B3GALT1: variants seen among roughly 807,000 people sequenced by gnomAD.
The protein encoded by B3GALT1 is UDP-Gal:betaGlcNAc beta 1,3-galactosyltransferase, polypeptide 1.
B3GALT1 carries 10 observed loss-of-function variants against 23.2 expected under a neutral mutation model. The ratio of observed to expected loss-of-function variants is 0.43; its 90% confidence interval spans 0.27 to 0.73. B3GALT1 has a LOEUF of 0.73. Among genes scored for constraint, B3GALT1 ranks in the 30% least tolerant of loss-of-function variants. The probability of loss-of-function intolerance (pLI) is 0.21; values close to 1 mark genes in which losing one functional copy is unlikely to be tolerated. For missense variants in B3GALT1, 299 were observed against 405.4 expected, an observed-to-expected ratio of 0.74 and a Z score of 2.25; for synonymous variants, 156 against 141.5, an observed-to-expected ratio of 1.10 and a Z score of -0.73.
At chr2:167,616,585 C>T (rs1685166231) in intron 2 of B3GALT1, among the ~76,000 whole-genome samples, 2 of 151,836 alleles carry the variant, frequency 1.3e-5, no homozygotes, top group African/African-American at 4.8e-5. Context: ...GTCTGTAATC[C>T]CATCCACTCA....
intron 4 of B3GALT1, among the ~76,000 whole-genome samples, chr2:167,835,869 C>T (rs76046059): frequency 8.5e-4 from 129 of 152,306 alleles, no homozygotes; most frequent in Admixed American, 1.4e-3. Context: ...TCACGGTTCA[C>T]GAAAAACCAC....
chr2:167,635,856 T>C (rs1319906651), intron 2 of B3GALT1, among the ~76,000 whole-genome samples: 1 of 152,098 alleles, frequency 6.6e-6, no homozygotes, highest in Non-Finnish European at 1.5e-5. Context: ...TTAAATTTCA[T>C]ATGGAACCAA....
chr2:167,409,408 T>G (rs1173189112), intron 1 of B3GALT1, among the ~76,000 whole-genome samples: 1 of 152,178 alleles, frequency 6.6e-6, no homozygotes, highest in Non-Finnish European at 1.5e-5. Context: ...AGGTTTGGTC[T>G]TTTAACATAG....
At chr2:167,563,270 G>GAC (rs1684055093) in intron 2 of B3GALT1, among the ~76,000 whole-genome samples, 1 of 146,502 alleles carries the variant, frequency 6.8e-6, no homozygotes, top group African/African-American at 2.7e-5. Context: ...CGGCTGGCCG[G>GAC]GCAGAGGGGC....
intron 1 of B3GALT1, among the ~76,000 whole-genome samples, chr2:167,379,025 G>A (rs116180055): frequency 0.019 from 2,888 of 152,222 alleles, 94 homozygotes; most frequent in African/African-American, 0.066. Flanking sequence ...TCACACTGCT[G>A]TAAAGAACTT....
At chr2:167,863,683 T>A (rs1302725714) in intron 4 of B3GALT1, among the ~76,000 whole-genome samples, 1 of 152,212 alleles carries the variant, frequency 6.6e-6, no homozygotes, top group Non-Finnish European at 1.5e-5. Flanking sequence ...ACATTACTAT[T>A]TCTGGCCCAT....
At chr2:167,632,560 T>A (rs992833310) in intron 2 of B3GALT1, among the ~76,000 whole-genome samples, 1 of 152,150 alleles carries the variant, frequency 6.6e-6, no homozygotes, top group Non-Finnish European at 1.5e-5. Context: ...AATAAGTTTT[T>A]TTTTCATATG....
At chr2:167,300,511 C>T (rs895915041) in intron 1 of B3GALT1, among the ~76,000 whole-genome samples, 3 of 152,184 alleles carry the variant, frequency 2.0e-5, no homozygotes, top group South Asian at 2.1e-4. Context: ...ACATAAAGAA[C>T]GCATTAAGGG....
intron 1 of B3GALT1, among the ~76,000 whole-genome samples, chr2:167,347,305 C>T (rs1697235539): frequency 6.6e-6 from 1 of 152,146 alleles, no homozygotes; most frequent in African/African-American, 2.4e-5. Flanking sequence ...GAGCCACTTG[C>T]ACTAGCTTAG....
chr2:167,666,038 CT>C (rs1362906800), intron 3 of B3GALT1, among the ~76,000 whole-genome samples: 1 of 152,132 alleles, frequency 6.6e-6, no homozygotes, highest in African/African-American at 2.4e-5. Flanking sequence ...TTTTCCAATT[CT>C]TTTAATTGTG....
At chr2:167,558,559 A>G (rs1415018366) in intron 2 of B3GALT1, among the ~76,000 whole-genome samples, 4 of 152,184 alleles carry the variant, frequency 2.6e-5, no homozygotes, top group Non-Finnish European at 5.9e-5. Context: ...CTGGTCAAGG[A>G]AAGGGGTGAC....
intron 2 of B3GALT1, among the ~76,000 whole-genome samples, chr2:167,539,814 A>G (rs1683506100): frequency 6.6e-6 from 1 of 152,130 alleles, no homozygotes; most frequent in Non-Finnish European, 1.5e-5. Flanking sequence ...ATAACAAGAT[A>G]TAATTTAAAT....
intron 3 of B3GALT1, among the ~76,000 whole-genome samples, chr2:167,800,488 T>A (rs1294321774): frequency 6.6e-6 from 1 of 152,074 alleles, no homozygotes; most frequent in Non-Finnish European, 1.5e-5. Context: ...CAGAGCAAAA[T>A]CAAATAAAGC....
intron 1 of B3GALT1, among the ~76,000 whole-genome samples, chr2:167,327,543 A>G (rs963495293): frequency 6.6e-6 from 1 of 151,986 alleles, no homozygotes; most frequent in Non-Finnish European, 1.5e-5. Flanking sequence ...AGGTGTATAG[A>G]TATGCTACTG....
At chr2:167,564,026 C>T (rs1043961545) in intron 2 of B3GALT1, among the ~76,000 whole-genome samples, 20 of 148,146 alleles carry the variant, frequency 1.4e-4, no homozygotes, top group African/African-American at 2.5e-4. Flanking sequence ...CCCTCCCGGA[C>T]GAGGTGGCTG....
At chr2:167,414,897 T>A (rs1435901545) in intron 1 of B3GALT1, among the ~76,000 whole-genome samples, 1 of 152,192 alleles carries the variant, frequency 6.6e-6, no homozygotes, top group East Asian at 1.9e-4. Flanking sequence ...TGGCCCAAAC[T>A]TCTGCTTTAA....
At chr2:167,540,971 G>A (rs1176246655) in intron 2 of B3GALT1, among the ~76,000 whole-genome samples, 1 of 151,290 alleles carries the variant, frequency 6.6e-6, no homozygotes. Flanking sequence ...ATAAAAGCAT[G>A]CTTTGTTTGG....
At chr2:167,621,954 C>G (rs1034862589) in intron 2 of B3GALT1, among the ~76,000 whole-genome samples, 5 of 152,094 alleles carry the variant, frequency 3.3e-5, no homozygotes, top group African/African-American at 1.2e-4. Context: ...AACCGCTTTC[C>G]TTTATAAATT....
intron 3 of B3GALT1, among the ~76,000 whole-genome samples, chr2:167,808,190 G>A (rs1330647761): frequency 1.3e-5 from 2 of 150,628 alleles, no homozygotes; most frequent in African/African-American, 2.5e-5. Flanking sequence ...TTGAGCCTAT[G>A]TGTGTCTCTG....
Sources: allele counts gnomAD v4.1 joint callset (sites outside exome capture counted in the v4.1 genomes callset), GRCh38; gene constraint gnomAD v4.1.1; transcripts MANE v1.5; gene names NCBI Gene and HGNC (gene_info 2026-07-23, HGNC 2026-07-21).